SYNE2: variants seen among roughly 807,000 people sequenced by gnomAD.
SYNE2 encodes nesprin-2.
A neutral mutation model predicts 856.3 loss-of-function variants in SYNE2; 431 were observed. The observed-to-expected ratio is 0.50, with a 90% CI of 0.47 to 0.55. The LOEUF (loss-of-function observed/expected upper bound fraction) is 0.55. SYNE2 is among the 20% of genes least tolerant of loss of function. The pLI is 0.00. For synonymous variants in SYNE2, 2,923 were observed against 2,872.3 expected (o/e 1.02, Z -0.56); for missense variants, 8,129 against 8,023.2 (o/e 1.01, Z -0.50).
intron 103 of SYNE2, among the ~76,000 whole-genome samples, chr14:64,210,964 C>T (rs747074992): frequency 2.6e-5 from 4 of 151,726 alleles, no homozygotes; most frequent in Non-Finnish European, 4.4e-5. Flanking sequence ...CCTGTCTCTC[C>T]GTCTTTCTTT....
rs756222639 is a variant in SYNE2, at chr14:64,034,640, G to C, written c.7221+3283G>C. Reference sequence around the variant, plus strand: ...TTGGTTGACCTTTTCTTTAATATTGGAAATGTTCAGGCAGACCTAGAAACA... The same window carrying C: ...TTGGTTGACCTTTTCTTTAATATTGCAAATGTTCAGGCAGACCTAGAAACA... On this transcript the variant is annotated intron_variant, in intron 45 of 115. Transcript: ENST00000555002. The C allele has an allele frequency of 2.6e-4, 123 of 474,596 alleles. 1 individual carries two copies. The highest frequency in any genetic ancestry group is 2.5e-3 in the Middle Eastern group (9 of 3,552). The allele number at this position is 474,596 out of a possible 1,614,324, so 29.4% of individuals were successfully genotyped here.
At chr14:63,846,300 G>A (rs1172541282) in intron 1 of SYNE2, among the ~76,000 whole-genome samples, 1 of 151,668 alleles carries the variant, frequency 6.6e-6, no homozygotes. Flanking sequence ...TGCCTGCCTC[G>A]GCCTCCCAAA....
At chr14:64,054,869 T>C (rs889308324) in intron 48 of SYNE2, among the ~76,000 whole-genome samples, 2 of 152,250 alleles carry the variant, frequency 1.3e-5, no homozygotes, top group African/African-American at 2.4e-5. Flanking sequence ...TATGAGATAC[T>C]ATATCTGGAA....
At chr14:63,985,930 C>T (rs2096622162) in intron 18 of SYNE2, among the ~76,000 whole-genome samples, 1 of 152,084 alleles carries the variant, frequency 6.6e-6, no homozygotes, top group South Asian at 2.1e-4. Context: ...ATCACTTGAG[C>T]CTGGGAGGTT....
At chr14:64,128,356 T>A in intron 73 of SYNE2, 96 bp from the exon 74 acceptor site, 1 of 708,576 alleles carries the variant, frequency 1.4e-6, no homozygotes, top group Non-Finnish European at 2.5e-6. Context: ...TGTTTGAAAT[T>A]TCTAGTGTCA....
At chr14:63,879,653 G>T (rs930852529) in intron 1 of SYNE2, among the ~76,000 whole-genome samples, 2 of 152,238 alleles carry the variant, frequency 1.3e-5, no homozygotes, top group Admixed American at 6.5e-5. Context: ...GCTTCCAAAA[G>T]TTCACTTGCC....
chr14:63,835,545 A>G (rs146324560), intron 1 of SYNE2, among the ~76,000 whole-genome samples: 1 of 146,408 alleles, frequency 6.8e-6, no homozygotes, highest in East Asian at 2.0e-4. Context: ...ACGTATGTAC[A>G]TATCTTAATG....
chr14:64,054,160 T>C (rs1193673614), intron 48 of SYNE2, among the ~76,000 whole-genome samples: 1 of 152,250 alleles, frequency 6.6e-6, no homozygotes, highest in Non-Finnish European at 1.5e-5. Flanking sequence ...ATACTGCATC[T>C]ACATGCAGTG....
In SYNE2 at chr14:64,191,025, T is replaced by G. The variant is rs148880073; in HGVS notation, c.18038+788T>G. On this transcript the variant is annotated intron_variant, in intron 99 of 115. Coordinates refer to ENST00000555002, the MANE Select transcript of SYNE2 (RefSeq NM_182914.3). ...GCTTCCACTGGCCACACGGGTCCTT[T>G]CCATAGCAGTGTGCTCAGATGTTTT... 544 of 702,300 alleles carry G rather than the reference T, an allele frequency of 7.7e-4. 2 individuals carry two copies. In the African/African-American group the frequency reaches 8.2e-3, roughly 11 times the overall value. The allele number at this position is 702,300 out of a possible 1,614,324, so 43.5% of individuals were successfully genotyped here.
At chr14:63,857,679 T>G (rs1259305193) in intron 1 of SYNE2, among the ~76,000 whole-genome samples, 1 of 152,170 alleles carries the variant, frequency 6.6e-6, no homozygotes, top group East Asian at 1.9e-4. Context: ...GACACCTCAT[T>G]GTGGTTTTAA....
chr14:63,998,270 CAAG>C lies in SYNE2; in HGVS notation c.3301_3303del (p.Glu1101del). 6.2e-7 allele frequency: 1 copy of C among 1,613,982 alleles called. No homozygotes were observed. The highest frequency in any genetic ancestry group is 8.5e-7 in the Non-Finnish European group (1 of 1,179,932). On this transcript the variant is annotated inframe_deletion, in exon 26 of 116. Coordinates refer to ENST00000555002, the MANE Select transcript of SYNE2 (RefSeq NM_182914.3). ...CCTGGCATCAGTGTTAAGGCCTCTGCAAGAAGAAAGCATTATGGAAAAGGATTA... is the reference window on the plus strand; with the variant it reads ...CCTGGCATCAGTGTTAAGGCCTCTGCAAGAAAGCATTATGGAAAAGGATTA...
chr14:64,186,518 T>G lies in SYNE2; in HGVS notation c.17651T>G (p.Val5884Gly). 2 of 1,614,090 alleles carry G rather than the reference T, an allele frequency of 1.2e-6. No homozygotes were observed. The highest frequency in any genetic ancestry group is 1.7e-6 in the Non-Finnish European group (2 of 1,180,016). Residue 5884 changes from valine to glycine, a missense_variant, in exon 97 of 116, where the codon GTG becomes GGG. Transcript: ENST00000555002. Reference sequence around the variant, plus strand: ...ACCCGGCACGTTCTCGTGGAAGATGTGATGGTTTTGAAGGAGCAAATAGAG... The same window carrying G: ...ACCCGGCACGTTCTCGTGGAAGATGGGATGGTTTTGAAGGAGCAAATAGAG... Reference protein sequence around the residue: ...DLTRHVLVEDVMVLKEQIEHL... With the variant: ...DLTRHVLVEDGMVLKEQIEHL...
chr14:64,081,823 A>G (rs761634927), intron 57 of SYNE2, among the ~76,000 whole-genome samples: 25 of 152,236 alleles, frequency 1.6e-4, no homozygotes, highest in East Asian at 3.9e-4. Context: ...TATATCTTCT[A>G]TGGACCTCAG....
intron 26 of SYNE2, 67 bp downstream of exon 26, chr14:63,998,395 C>A: frequency 1.8e-6 from 2 of 1,095,444 alleles, no homozygotes; most frequent in Non-Finnish European, 2.8e-6. Context: ...ACATGTTAGA[C>A]TTTTTAAAAG....
intron 73 of SYNE2, among the ~76,000 whole-genome samples, 175 bp from the exon 74 acceptor site, chr14:64,128,277 G>T (rs2097970447): frequency 6.6e-6 from 1 of 152,070 alleles, no homozygotes; most frequent in Admixed American, 6.6e-5. Flanking sequence ...GAGGGAAGAA[G>T]GTCAGCCATG....
intron 10 of SYNE2, among the ~76,000 whole-genome samples, chr14:63,965,373 G>C (rs1025172186): frequency 6.6e-5 from 10 of 152,134 alleles, no homozygotes; most frequent in Non-Finnish European, 1.5e-4. Flanking sequence ...ATAATAAGTG[G>C]CTTATTTAAG....
intron 94 of SYNE2, 102 bp downstream of exon 94, chr14:64,170,564 A>G: frequency 1.6e-6 from 2 of 1,224,512 alleles, no homozygotes; most frequent in Non-Finnish European, 2.3e-6. Flanking sequence ...ATGTGATCCA[A>G]GTGGGCTCTC....
chr14:63,812,320 C>T (rs893757568), intron 1 of SYNE2, among the ~76,000 whole-genome samples: 2 of 152,200 alleles, frequency 1.3e-5, no homozygotes, highest in African/African-American at 2.4e-5. Flanking sequence ...AAATATGGCT[C>T]TATTCTGCCC....
At chr14:64,023,878 G>A (rs561448292) in intron 38 of SYNE2, 2 of 243,276 alleles carry the variant, frequency 8.2e-6, no homozygotes, top group African/African-American at 2.2e-5. Context: ...TTTGCCCATT[G>A]CATGGGCCTT....
Sources: gnomAD v4.1 joint callset for allele counts (sites outside exome capture counted in the v4.1 genomes callset) on GRCh38, gnomAD v4.1.1 for gene constraint, MANE v1.5 for transcripts, NCBI Gene and HGNC (gene_info 2026-07-23, HGNC 2026-07-21) for gene names.